The following PAX7 variants were observed in gnomAD, a reference collection of about 807,000 sequenced individuals.
PAX7 encodes paired box protein Pax-7.
A neutral mutation model predicts 50.7 loss-of-function variants in PAX7; 18 were observed. The ratio of observed to expected loss-of-function variants is 0.36; its 90% confidence interval spans 0.25 to 0.53. The LOEUF (loss-of-function observed/expected upper bound fraction) is 0.53, where lower values mean the gene tolerates loss of function less well. Among genes scored for constraint, PAX7 ranks in the 20% least tolerant of loss-of-function variants. The probability of loss-of-function intolerance (pLI) is 0.93; values close to 1 mark genes in which losing one functional copy is unlikely to be tolerated. For synonymous variants in PAX7, 310 were observed against 290.4 expected, an observed-to-expected ratio of 1.07 and a Z score of -0.69; for missense variants, 644 against 702.9, an observed-to-expected ratio of 0.92 and a Z score of 0.95.
intron 7 of PAX7, among the ~76,000 whole-genome samples, chr1:18,707,411 C>CT (rs71575894): frequency 1.7e-3 from 157 of 91,208 alleles, no homozygotes; most frequent in Middle Eastern, 6.9e-3. Context: ...TTCTTTTTTT[C>CT]TTTCTTTTTT....
chr1:18,649,568 CA>C (rs751096813), intron 4 of PAX7, among the ~76,000 whole-genome samples: 1 of 152,004 alleles, frequency 6.6e-6, no homozygotes, highest in Non-Finnish European at 1.5e-5. Context: ...TTCTCAGGTC[CA>C]GGGGAGACTG....
chr1:18,657,057 T>C (rs1226846870), intron 4 of PAX7, among the ~76,000 whole-genome samples: 3 of 152,120 alleles, frequency 2.0e-5, no homozygotes, highest in Non-Finnish European at 4.4e-5. Flanking sequence ...GAATCAAAAC[T>C]AGTATGGTGT....
chr1:18,705,558 C>G (rs1570199971), intron 7 of PAX7, among the ~76,000 whole-genome samples: 1 of 152,200 alleles, frequency 6.6e-6, no homozygotes, highest in East Asian at 1.9e-4. Flanking sequence ...CCCTGTCTCA[C>G]TGTGGGCTGA....
chr1:18,658,052 G>A (rs2088548314), intron 4 of PAX7, among the ~76,000 whole-genome samples: 1 of 152,180 alleles, frequency 6.6e-6, no homozygotes. Flanking sequence ...ACAACAGCTT[G>A]TTAAAAGGAA....
Position 18,634,913 on chromosome 1 carries a change from G to A in PAX7, c.322-198G>A, listed in dbSNP as rs1018330685. ...ATCCATGTCCCACCCCACCCCACCT[G>A]GCCAGACCCCCAGCTGCCTTCCTGG... is the stretch of plus-strand genomic sequence containing the variant. On this transcript the variant is annotated intron_variant, in intron 2 of 8. Coordinates refer to ENST00000420770, the MANE Select transcript of PAX7 (RefSeq NM_001135254.2). The surrounding 1 kb of genome is among the most constrained non-coding windows in gnomAD (Gnocchi z 4.0). 6.6e-6 allele frequency among the ~76,000 whole-genome samples: 1 copy of A among 152,006 alleles called. No homozygotes were observed. Among genetic ancestry groups the A allele is most frequent in the East Asian group, 1.9e-4 (1 of 5,178 alleles).
At chr1:18,695,665 C>T (rs2089141207) in intron 5 of PAX7, among the ~76,000 whole-genome samples, 1 of 152,152 alleles carries the variant, frequency 6.6e-6, no homozygotes, top group Non-Finnish European at 1.5e-5. Flanking sequence ...GCAGGAGAAC[C>T]CATGCCTGGG....
At chr1:18,711,361 C>T (rs780478121) in intron 7 of PAX7, among the ~76,000 whole-genome samples, 2 of 152,132 alleles carry the variant, frequency 1.3e-5, no homozygotes, top group Non-Finnish European at 2.9e-5. Flanking sequence ...AATGTGCCCT[C>T]GTCACACCCC....
intron 4 of PAX7, among the ~76,000 whole-genome samples, chr1:18,654,834 G>C (rs574140149): frequency 6.6e-6 from 1 of 152,300 alleles, no homozygotes; most frequent in Admixed American, 6.5e-5. Context: ...GGCTCAGTGA[G>C]GTAAAGTCAC....
chr1:18,714,303 G>T (rs1372058478), intron 7 of PAX7, among the ~76,000 whole-genome samples: 1 of 152,188 alleles, frequency 6.6e-6, no homozygotes, highest in South Asian at 2.1e-4. Context: ...TTATATGAGC[G>T]CTCAGAGCCT....
chr1:18,644,390 G>GA (rs146496117), intron 4 of PAX7, among the ~76,000 whole-genome samples: 15 of 152,114 alleles, frequency 9.9e-5, no homozygotes, highest in Non-Finnish European at 1.9e-4. Flanking sequence ...TTCCTTCCAT[G>GA]AAAAAAGAGA....
intron 5 of PAX7, among the ~76,000 whole-genome samples, chr1:18,696,875 T>C (rs2089156614): frequency 6.6e-6 from 1 of 152,164 alleles, no homozygotes; most frequent in Non-Finnish European, 1.5e-5. Context: ...AATAAGTTAA[T>C]TGTACCTTTA....
At chr1:18,717,847 C>T (rs1485141720) in intron 7 of PAX7, among the ~76,000 whole-genome samples, 1 of 152,202 alleles carries the variant, frequency 6.6e-6, no homozygotes, top group Non-Finnish European at 1.5e-5. Flanking sequence ...CACCCACAGA[C>T]AAGCAAGTGA....
Position 18,726,952 on chromosome 1 carries a change from C to T in PAX7, c.1156-8680C>T, listed in dbSNP as rs2089579382. On this transcript the variant is annotated intron_variant, in intron 7 of 8. Coordinates refer to ENST00000420770, the MANE Select transcript of PAX7 (RefSeq NM_001135254.2). The surrounding 1 kb of genome is among the most constrained non-coding windows in gnomAD (Gnocchi z 4.8). Reference sequence around the variant, plus strand: ...GTATCCTCTGAGCTTCCAAGGTCCCCGAGCTTCAGCCTGTACTCTGGGTTG... The same window carrying T: ...GTATCCTCTGAGCTTCCAAGGTCCCTGAGCTTCAGCCTGTACTCTGGGTTG... Among the ~76,000 whole-genome samples, 1 of 152,154 alleles carries T rather than the reference C, an allele frequency of 6.6e-6. No individual in the cohort carries two copies. The highest frequency in any genetic ancestry group is 6.5e-5 in the Admixed American group (1 of 15,272).
intron 4 of PAX7, among the ~76,000 whole-genome samples, chr1:18,645,078 G>T (rs2088315901): frequency 6.6e-6 from 1 of 152,248 alleles, no homozygotes; most frequent in Admixed American, 6.5e-5. Flanking sequence ...AGCTTTGTGG[G>T]CTTCCCTCTT....
intron 4 of PAX7, among the ~76,000 whole-genome samples, chr1:18,650,882 A>G (rs2088419359): frequency 6.6e-6 from 1 of 152,136 alleles, no homozygotes; most frequent in Non-Finnish European, 1.5e-5. Flanking sequence ...CTGCCAGGGT[A>G]CCATGCTGGG....
At chr1:18,703,670 T>C (rs1366232487) in intron 7 of PAX7, among the ~76,000 whole-genome samples, 2 of 152,172 alleles carry the variant, frequency 1.3e-5, no homozygotes, top group Admixed American at 1.3e-4. Context: ...AGAGAGATAA[T>C]GTGGGCGCTG....
At chr1:18,647,668 G>A (rs369799323) in intron 4 of PAX7, among the ~76,000 whole-genome samples, 2 of 152,124 alleles carry the variant, frequency 1.3e-5, no homozygotes, top group Non-Finnish European at 2.9e-5. Flanking sequence ...CTATAATTAC[G>A]TAAAGTACAG....
intron 4 of PAX7, among the ~76,000 whole-genome samples, chr1:18,674,603 GC>G (rs748801692): frequency 2.4e-4 from 37 of 152,182 alleles, no homozygotes; most frequent in Admixed American, 3.3e-4. Flanking sequence ...CTCCAAGCTG[GC>G]CCCCTTGGCA....
At chr1:18,683,196 G>T (rs1440183843) in intron 4 of PAX7, among the ~76,000 whole-genome samples, 3 of 152,196 alleles carry the variant, frequency 2.0e-5, no homozygotes, top group African/African-American at 7.2e-5. Flanking sequence ...TAGATACTGG[G>T]ACTGAGTGAG....
Sources: gnomAD v4.1 joint callset for allele counts (sites outside exome capture counted in the v4.1 genomes callset) on GRCh38, gnomAD v4.1.1 for gene constraint, Gnocchi (gnomAD v3.1) non-coding constraint, MANE v1.5 for transcripts, NCBI Gene and HGNC (gene_info 2026-07-23, HGNC 2026-07-21) for gene names.